TYW1B: variants seen among roughly 807,000 people sequenced by gnomAD.
TYW1B encodes the protein S-adenosyl-L-methionine-dependent tRNA 4-demethylwyosine synthase TYW1B.
A neutral mutation model predicts 86.9 loss-of-function variants in TYW1B; 73 were observed. The observed-to-expected ratio is 0.84, with a 90% confidence interval of 0.70 to 1.02. The LOEUF (loss-of-function observed/expected upper bound fraction) is 1.02, where lower values mean the gene tolerates loss of function less well. Among genes scored for constraint, TYW1B ranks in the 50% least tolerant of loss-of-function variants. TYW1B has a pLI of 0.00. For missense variants in TYW1B, 637 were observed against 827.4 expected, an observed-to-expected ratio of 0.77 and a Z score of 2.82; for synonymous variants, 248 against 292.8, an observed-to-expected ratio of 0.85 and a Z score of 1.56.
At chr7:72,772,298 T>A (rs1554469805) in intron 7 of TYW1B, among the ~76,000 whole-genome samples, 3 of 152,144 alleles carry the variant, frequency 2.0e-5, no homozygotes. Flanking sequence ...AGCCCTGCAC[T>A]CATCAACTAC....
rs375055883 is a variant in TYW1B at position 72,798,444 on chromosome 7, G to A, written c.846+3956C>T. Among the ~76,000 whole-genome samples the A allele has an allele frequency of 3.9e-5, 6 of 152,038 alleles. No individual in the cohort carries two copies. The East Asian group carries it at 1.2e-3, about 29-fold the overall frequency. ...TCCAAATAAAATCCAACACCACTTG[G>A]AAATCACATTAATGCATATCAATCC... On this transcript the variant is annotated intron_variant, in intron 6 of 13. Transcript: ENST00000620995.
rs56738372 is a variant in TYW1B, at chr7:72,678,619, CT to C, written c.1506+16067del. On this transcript the variant is annotated intron_variant, in intron 11 of 13. Coordinates refer to ENST00000620995, the MANE Select transcript of TYW1B (RefSeq NM_001145440.3). ...GTGGCTCACACCTGTAATTCCAGCA[CT>C]TTTTTTTTTTTTTTTTTTTTTTGAG... 9.6e-4 allele frequency among the ~76,000 whole-genome samples: 106 copies of C among 110,414 alleles called. 1 individual carries two copies. The highest frequency in any genetic ancestry group is 6.7e-3 in the East Asian group (23 of 3,456). 72.4% of individuals were successfully genotyped at this position (110,414 alleles called of 152,430 possible). A position where few individuals can be genotyped will look rare whatever the true frequency, so the allele number is the denominator to read the frequency against.
chr7:72,745,143 G>C (rs1787372969), intron 7 of TYW1B, among the ~76,000 whole-genome samples: 1 of 152,142 alleles, frequency 6.6e-6, no homozygotes, highest in East Asian at 1.9e-4. Flanking sequence ...TCCTGCCTCA[G>C]ACTCTCAAGT....
At chr7:72,653,745 A>T (rs1410009308) in intron 11 of TYW1B, among the ~76,000 whole-genome samples, 2 of 152,072 alleles carry the variant, frequency 1.3e-5, no homozygotes, top group African/African-American at 4.8e-5. Context: ...ATATCAATTG[A>T]CAATGAAAAG....
intron 11 of TYW1B, among the ~76,000 whole-genome samples, chr7:72,650,161 A>G (rs1347519760): frequency 4.0e-5 from 6 of 148,788 alleles, no homozygotes; most frequent in Non-Finnish European, 8.9e-5. Flanking sequence ...TGATCCACCC[A>G]CCTTGGCCTC....
intron 11 of TYW1B, among the ~76,000 whole-genome samples, chr7:72,647,128 G>A (rs1732739635): frequency 6.6e-6 from 1 of 152,168 alleles, no homozygotes; most frequent in African/African-American, 2.4e-5. Flanking sequence ...TCAAAGAAAT[G>A]CAAATTGAAG....
intron 12 of TYW1B, among the ~76,000 whole-genome samples, chr7:72,618,418 T>C (rs1270577456): frequency 6.6e-6 from 1 of 152,090 alleles, no homozygotes; most frequent in African/African-American, 2.4e-5. Flanking sequence ...AGTTTCGCCA[T>C]GTTGGCCAGG....
chr7:72,591,851 G>A (rs1383402265), intron 13 of TYW1B, among the ~76,000 whole-genome samples: 8 of 151,442 alleles, frequency 5.3e-5, no homozygotes, highest in East Asian at 1.9e-4. Context: ...ATGGAGTCTC[G>A]CTCTGTTGCC....
At chr7:72,732,776 T>C (rs1554460177) in intron 8 of TYW1B, among the ~76,000 whole-genome samples, 1 of 150,696 alleles carries the variant, frequency 6.6e-6, no homozygotes, top group African/African-American at 2.4e-5. Flanking sequence ...CAAAAATAAA[T>C]GAAGTTGAGA....
At position 72,808,048 on chromosome 7, in the gene TYW1B, G is replaced by A. The variant is rs185906879; in HGVS notation, c.433-692C>T. ...CTGGAGGCAGAAGTTGCAATGAGCC[G>A]AGATTGTGCCATTGCACTCCAGCCT... On this transcript the variant is annotated intron_variant, in intron 4 of 13. Transcript: ENST00000620995. 2.9e-3 allele frequency among the ~76,000 whole-genome samples: 433 copies of A among 151,136 alleles called. 1 individual carries two copies. Among genetic ancestry groups the A allele is most frequent in the African/African-American group, 9.9e-3 (405 of 41,110 alleles).
At chr7:72,665,771 T>C (rs1213715347) in intron 11 of TYW1B, among the ~76,000 whole-genome samples, 4 of 152,350 alleles carry the variant, frequency 2.6e-5, no homozygotes, top group African/African-American at 9.6e-5. Flanking sequence ...GCCTATTTGC[T>C]TGTCCTCAGA....
In TYW1B at chr7:72,820,008, C is replaced by T. The variant is rs1287630240; in HGVS notation, c.136-4527G>A. Among the ~76,000 whole-genome samples the T allele has an allele frequency of 2.6e-5, 4 of 152,108 alleles. No individual in the cohort carries two copies. The South Asian group carries it at 8.3e-4, about 32-fold the overall frequency. On this transcript the variant is annotated intron_variant, in intron 2 of 13. Coordinates refer to ENST00000620995, the MANE Select transcript of TYW1B (RefSeq NM_001145440.3). Reference sequence around the variant, plus strand: ...AGAAATTTCAAGCAGGGCATGGTGGCTCACATCTGTAATCCCAGCACTTCG... The same window carrying T: ...AGAAATTTCAAGCAGGGCATGGTGGTTCACATCTGTAATCCCAGCACTTCG...
At chr7:72,810,090 T>A (rs4717688) in intron 4 of TYW1B, among the ~76,000 whole-genome samples, 2 of 150,330 alleles carry the variant, frequency 1.3e-5, no homozygotes, top group Non-Finnish European at 2.9e-5. Context: ...CTAGCCTGGC[T>A]GGCATGGTGA....
intron 8 of TYW1B, among the ~76,000 whole-genome samples, chr7:72,738,854 T>C (rs1787248117): frequency 6.6e-6 from 1 of 151,912 alleles, no homozygotes; most frequent in Admixed American, 6.6e-5. Flanking sequence ...GAGGATTGCT[T>C]CAGGCCAAGA....
intron 11 of TYW1B, among the ~76,000 whole-genome samples, chr7:72,632,325 A>ACGTG (rs1554439961): frequency 3.4e-5 from 4 of 118,870 alleles, no homozygotes; most frequent in African/African-American, 1.4e-4. Flanking sequence ...TATATATTAT[A>ACGTG]TATATATACA....
At chr7:72,640,628 T>C (rs1812780166) in intron 11 of TYW1B, among the ~76,000 whole-genome samples, 1 of 152,070 alleles carries the variant, frequency 6.6e-6, no homozygotes, top group African/African-American at 2.4e-5. Flanking sequence ...GTAACAATTC[T>C]TAACTAGTAT....
At chr7:72,696,689 C>T (rs868965522) in intron 10 of TYW1B, among the ~76,000 whole-genome samples, 105 of 151,944 alleles carry the variant, frequency 6.9e-4, no homozygotes, top group Admixed American at 7.2e-4. Context: ...GGAATATAGG[C>T]CAAACAGATG....
rs75660027 is a variant in TYW1B at position 72,670,370 on chromosome 7, T to C, written c.1506+24317A>G. The stretch of plus-strand genomic sequence containing the variant: ...CCACGCCCAACTAATTCTGTATTTT[T>C]AGTAGAGAGGGGGTTTCCCCATGTT... On this transcript the variant is annotated intron_variant, in intron 11 of 13. Coordinates refer to ENST00000620995, the MANE Select transcript of TYW1B (RefSeq NM_001145440.3). Among the ~76,000 whole-genome samples, 937 of 152,270 alleles carry C rather than the reference T, an allele frequency of 6.2e-3. 12 individuals are homozygous for C. The highest frequency in any genetic ancestry group is 0.021 in the African/African-American group (877 of 41,550).
intron 13 of TYW1B, among the ~76,000 whole-genome samples, chr7:72,585,791 C>CT (rs1386026822): frequency 6.6e-6 from 1 of 152,178 alleles, no homozygotes; most frequent in Admixed American, 6.6e-5. Context: ...CATTAAACCT[C>CT]TTTTTTCTTA....
Sources: allele counts gnomAD v4.1 joint callset (sites outside exome capture counted in the v4.1 genomes callset), GRCh38; gene constraint gnomAD v4.1.1; transcripts MANE v1.5; gene names NCBI Gene and HGNC (gene_info 2026-07-23, HGNC 2026-07-21).